LIN52: variants seen among roughly 807,000 people sequenced by gnomAD.
LIN52 encodes the protein lin-52 DREAM MuvB core complex component.
LIN52 carries 4 observed loss-of-function variants against 18.5 expected under a neutral mutation model. The ratio of observed to expected loss-of-function variants is 0.22; its 90% CI spans 0.11 to 0.49. The LOEUF (loss-of-function observed/expected upper bound fraction) is 0.49. Among genes scored for constraint, LIN52 ranks in the 20% least tolerant of loss-of-function variants. LIN52 has a pLI of 0.97. For synonymous variants in LIN52, 34 were observed against 45.5 expected, an observed-to-expected ratio of 0.75 and a Z score of 1.02; for missense variants, 102 against 139.5, an observed-to-expected ratio of 0.73 and a Z score of 1.35.
rs768671759 is a variant in LIN52, at chr14:74,091,709, G to A, written c.94+403G>A. Among the ~76,000 whole-genome samples, 33 of 150,092 alleles carry A rather than the reference G, an allele frequency of 2.2e-4. No homozygotes were observed. In the South Asian group the frequency reaches 3.6e-3, roughly 16 times the overall value. On this transcript the variant is annotated intron_variant, in intron 2 of 5. Transcript: ENST00000555028. The stretch of plus-strand genomic sequence containing the variant: ...GAATCTTTTGAACCCAGGAGGCGGA[G>A]GCTGCAGTGAGCAGAGATTGTGCCA...
At chr14:74,106,103 T>C (rs1383841918) in intron 5 of LIN52, among the ~76,000 whole-genome samples, 1 of 152,202 alleles carries the variant, frequency 6.6e-6, no homozygotes, top group Non-Finnish European at 1.5e-5. Context: ...TATAGAAATA[T>C]TTAAAAAAGT....
chr14:74,094,737 T>TCCTTGAGAAGC (rs1566844354), intron 2 of LIN52, among the ~76,000 whole-genome samples: 2 of 152,082 alleles, frequency 1.3e-5, no homozygotes, highest in Non-Finnish European at 2.9e-5. Flanking sequence ...ATTGAACTTT[T>TCCTTGAGAAGC]TTTTTTTTGA....
At chr14:74,137,155 AATAT>A (rs200281716) in intron 5 of LIN52, among the ~76,000 whole-genome samples, 2 of 113,530 alleles carry the variant, frequency 1.8e-5, no homozygotes, top group Admixed American at 8.4e-5. Context: ...TTTATATATG[AATAT>A]ATATATATAT....
At chr14:74,113,577 T>C (rs561668176) in intron 5 of LIN52, among the ~76,000 whole-genome samples, 1 of 152,078 alleles carries the variant, frequency 6.6e-6, no homozygotes, top group South Asian at 2.1e-4. Context: ...TGACTAAGAC[T>C]AGGAAGGAGA....
At chr14:74,128,868 C>G (rs1389086509) in intron 5 of LIN52, among the ~76,000 whole-genome samples, 2 of 152,012 alleles carry the variant, frequency 1.3e-5, no homozygotes, top group South Asian at 2.1e-4. Context: ...CTTGAGCCTG[C>G]GAGACTGAGG....
intron 5 of LIN52, among the ~76,000 whole-genome samples, chr14:74,194,611 C>T (rs1232473755): frequency 6.6e-6 from 1 of 152,192 alleles, no homozygotes; most frequent in African/African-American, 2.4e-5. Flanking sequence ...CACTCTGCAG[C>T]ATTTCACATG....
At chr14:74,150,974 T>A (rs12587033) in intron 5 of LIN52, among the ~76,000 whole-genome samples, 26,268 of 152,134 alleles carry the variant, frequency 0.17, 2,772 homozygotes, top group East Asian at 0.58. Flanking sequence ...TCGAAGATAT[T>A]TTTGTCATGG....
At chr14:74,190,330 T>C (rs2061358111) in intron 5 of LIN52, among the ~76,000 whole-genome samples, 1 of 151,910 alleles carries the variant, frequency 6.6e-6, no homozygotes, top group Admixed American at 6.6e-5. Context: ...AGACTGTTCT[T>C]TTCTCAGGTA....
At chr14:74,191,628 T>G (rs1048316560) in intron 5 of LIN52, among the ~76,000 whole-genome samples, 2 of 151,502 alleles carry the variant, frequency 1.3e-5, no homozygotes, top group Non-Finnish European at 2.9e-5. Flanking sequence ...GGGGTTTTTT[T>G]CTTTCTTTCT....
In LIN52 at chr14:74,097,829, G is replaced by T. The variant is rs1332140393; in HGVS notation, c.168G>T (p.Glu56Asp). 1 of 1,613,262 alleles carries T rather than the reference G, an allele frequency of 6.2e-7. No individual in the cohort carries two copies. The highest frequency in any genetic ancestry group is 1.7e-5 in the Admixed American group (1 of 60,004). Reference protein sequence around the residue: ...ITSSPPKWMAEIERDDIDMLK... With the variant: ...ITSSPPKWMADIERDDIDMLK... ...GTTCTCCACCCAAATGGATGGCTGA[G>T]ATAGAACGTGATGACATCGACATGT... The change falls in exon 4 of 6, where the codon GAG (glutamate) becomes GAT (aspartate). Residue 56 changes from glutamate (E) to aspartate (D), a missense_variant. Physicochemically the swap from Glu to Asp is conservative, Grantham distance 45 (BLOSUM62 2). Coordinates refer to ENST00000555028, the MANE Select transcript of LIN52 (RefSeq NM_001024674.3).
In LIN52 at chr14:74,192,076, C is replaced by T. The variant is rs182406262; in HGVS notation, c.284-6846C>T. Among the ~76,000 whole-genome samples the T allele has an allele frequency of 2.5e-4, 38 of 149,594 alleles. No individual in the cohort carries two copies. In the East Asian group the frequency reaches 6.8e-3, roughly 27 times the overall value. ...TGCCTTCATTCACACAGATGCAAGT[C>T]ATTTGTGTTACCATTTATCTTGCAT... On this transcript the variant is annotated intron_variant, in intron 5 of 5. Coordinates refer to ENST00000555028, the MANE Select transcript of LIN52 (RefSeq NM_001024674.3).
At chr14:74,163,428 C>T (rs2061234790) in intron 5 of LIN52, among the ~76,000 whole-genome samples, 1 of 152,134 alleles carries the variant, frequency 6.6e-6, no homozygotes, top group Non-Finnish European at 1.5e-5. Context: ...CCAGTTGTCT[C>T]TCGCTCTCTA....
At chr14:74,177,524 C>T (rs928515377) in intron 5 of LIN52, among the ~76,000 whole-genome samples, 6 of 152,326 alleles carry the variant, frequency 3.9e-5, no homozygotes, top group Middle Eastern at 6.8e-3. Flanking sequence ...ATTCATTAGT[C>T]TCTCCTATGT....
At chr14:74,171,736 C>CTTTTTTTT (rs534860812) in intron 5 of LIN52, among the ~76,000 whole-genome samples, 3 of 122,696 alleles carry the variant, frequency 2.4e-5, no homozygotes, top group Admixed American at 8.8e-5. Flanking sequence ...TATTTTAATT[C>CTTTTTTTT]TTTTTTTTTT....
At chr14:74,131,578 A>C (rs1415149832) in intron 5 of LIN52, among the ~76,000 whole-genome samples, 1 of 152,116 alleles carries the variant, frequency 6.6e-6, no homozygotes, top group African/African-American at 2.4e-5. Flanking sequence ...GACCTCCCAA[A>C]GTGCTGGGAT....
rs549449993 is a variant in LIN52, at chr14:74,177,121, C to T, written c.284-21801C>T. On this transcript the variant is annotated intron_variant, in intron 5 of 5. Coordinates refer to ENST00000555028, the MANE Select transcript of LIN52 (RefSeq NM_001024674.3). Reference sequence around the variant, plus strand: ...TCAAGCCATTCTCCTGCATCAGCCTCCCAAGTAGCTGGGATTACAGGCATG... The same window carrying T: ...TCAAGCCATTCTCCTGCATCAGCCTTCCAAGTAGCTGGGATTACAGGCATG... 2.5e-3 allele frequency among the ~76,000 whole-genome samples: 381 copies of T among 152,156 alleles called. 2 individuals are homozygous for T. Among genetic ancestry groups the T allele is most frequent in the African/African-American group, 8.9e-3 (371 of 41,510 alleles).
chr14:74,187,962 C>G (rs2061347910), intron 5 of LIN52, among the ~76,000 whole-genome samples: 1 of 152,128 alleles, frequency 6.6e-6, no homozygotes, highest in African/African-American at 2.4e-5. Flanking sequence ...TGGATTTACA[C>G]CTAAGGTAGA....
At chr14:74,116,719 A>G (rs935038610) in intron 5 of LIN52, among the ~76,000 whole-genome samples, 4 of 151,814 alleles carry the variant, frequency 2.6e-5, no homozygotes, top group Non-Finnish European at 5.9e-5. Context: ...TAAAAAAAAA[A>G]AAAAGAAAAG....
intron 5 of LIN52, among the ~76,000 whole-genome samples, chr14:74,132,901 A>G (rs1033276109): frequency 8.5e-5 from 13 of 152,288 alleles, no homozygotes; most frequent in African/African-American, 3.1e-4. Context: ...AAATCTTAAT[A>G]TATAAAATGA....
Sources: gnomAD v4.1 joint callset for allele counts (sites outside exome capture counted in the v4.1 genomes callset) on GRCh38, gnomAD v4.1.1 for gene constraint, MANE v1.5 for transcripts, NCBI Gene and HGNC (gene_info 2026-07-23, HGNC 2026-07-21) for gene names.